Variants in YAF2 observed in about 807,000 individuals in gnomAD.
YAF2 encodes YY1-associated factor 2.
Under a neutral mutation model 20.1 loss-of-function variants are expected in YAF2, and 7 were observed. That is an observed-to-expected ratio of 0.35 (90% CI 0.20 to 0.65). The LOEUF is 0.65. YAF2 is among the 30% of genes least tolerant of loss of function. The pLI is 0.69. For synonymous variants in YAF2, 74 were observed against 76.0 expected (o/e 0.97, Z 0.14); for missense variants, 151 against 219.2 (o/e 0.69, Z 1.96).
intron 2 of YAF2, among the ~76,000 whole-genome samples, chr12:42,227,568 GC>G (rs2067765478): frequency 6.7e-6 from 1 of 148,772 alleles, no homozygotes; most frequent in Non-Finnish European, 1.5e-5. Flanking sequence ...CTGCCCGGCC[GC>G]CCTGTCTGAG....
intron 2 of YAF2, among the ~76,000 whole-genome samples, chr12:42,224,367 G>C (rs183813840): frequency 2.0e-4 from 30 of 151,752 alleles, no homozygotes; most frequent in Admixed American, 1.7e-3. Flanking sequence ...TTTAGGTGAA[G>C]AATACAATAT....
At chr12:42,213,560 T>C (rs182375342) in intron 2 of YAF2, among the ~76,000 whole-genome samples, 38 of 152,326 alleles carry the variant, frequency 2.5e-4, no homozygotes, top group Admixed American at 1.0e-3. Context: ...TCAAGCCAAC[T>C]TGAGTGGCTC....
chr12:42,176,708 T>C (rs1466907201), intron 2 of YAF2, among the ~76,000 whole-genome samples: 2 of 152,100 alleles, frequency 1.3e-5, no homozygotes, highest in South Asian at 2.1e-4. Context: ...ACATCTGTAA[T>C]CTCAGCACTT....
chr12:42,188,548 C>T (rs948847714), intron 2 of YAF2, among the ~76,000 whole-genome samples: 7 of 151,690 alleles, frequency 4.6e-5, no homozygotes, highest in African/African-American at 1.7e-4. Flanking sequence ...ACCATGCCCA[C>T]TAATTTTTAT....
chr12:42,235,523 CT>C lies in YAF2; in HGVS notation c.152+2075del, dbSNP rs543139957. 5.8e-5 allele frequency: 76 copies of C among 1,315,900 alleles called. 1 individual carries two copies. In the South Asian group the frequency reaches 1.1e-3, roughly 19 times the overall value. The allele number at this position is 1,315,900 out of a possible 1,614,324, so 81.5% of individuals were successfully genotyped here. ...AACAGATAACAGAGAAATTAGAGCT[CT>C]TAGGTTTAACTTAGAGCCAAAATCA... On this transcript the variant is annotated intron_variant, in intron 2 of 3. Transcript: ENST00000534854.
chr12:42,171,965 A>G (rs1253022480), intron 2 of YAF2, among the ~76,000 whole-genome samples: 1 of 152,230 alleles, frequency 6.6e-6, no homozygotes, highest in East Asian at 1.9e-4. Context: ...CCCTGTCTCA[A>G]ACAAAAAAAG....
At chr12:42,167,257 G>T (rs1212863692) in intron 2 of YAF2, among the ~76,000 whole-genome samples, 1 of 152,028 alleles carries the variant, frequency 6.6e-6, no homozygotes, top group Non-Finnish European at 1.5e-5. Flanking sequence ...GTCTATCTAT[G>T]TAACAAACCT....
At chr12:42,206,704 C>CA (rs931777807) in intron 2 of YAF2, among the ~76,000 whole-genome samples, 2,903 of 147,646 alleles carry the variant, frequency 0.02, 88 homozygotes, top group African/African-American at 0.068. Flanking sequence ...TCTTTAATGA[C>CA]AAAAAAAAAA....
intron 2 of YAF2, among the ~76,000 whole-genome samples, chr12:42,189,150 T>C (rs2066549164): frequency 6.6e-6 from 1 of 152,128 alleles, no homozygotes; most frequent in Non-Finnish European, 1.5e-5. Context: ...ATGAGCAAAG[T>C]CACCATCTCA....
At chr12:42,219,822 T>C (rs973577729) in intron 2 of YAF2, among the ~76,000 whole-genome samples, 3 of 152,208 alleles carry the variant, frequency 2.0e-5, no homozygotes, top group Non-Finnish European at 4.4e-5. Flanking sequence ...AAGTCCTCAA[T>C]GAGGCCTGAG....
Position 42,220,831 on chromosome 12 carries a change from C to A in YAF2, c.152+16768G>T, listed in dbSNP as rs1298076265. Among the ~76,000 whole-genome samples the A allele has an allele frequency of 3.3e-5, 5 of 152,262 alleles. No homozygotes were observed. In the East Asian group the frequency reaches 9.7e-4, roughly 29 times the overall value. On this transcript the variant is annotated intron_variant, in intron 2 of 3. Transcript: ENST00000534854. ...CAAACTTTACACCATACACACACAT[C>A]CAGTCATTCACACATTCACATATTA...
At chr12:42,236,002 A>C in intron 2 of YAF2, 1 of 1,536,132 alleles carries the variant, frequency 6.5e-7, no homozygotes. Flanking sequence ...CTGTCCCTGC[A>C]AATAAACATA....
In YAF2 at chr12:42,217,650, A is replaced by G. The variant is rs2067395391; in HGVS notation, c.152+19949T>C. Among the ~76,000 whole-genome samples, 5 of 152,172 alleles carry G rather than the reference A, an allele frequency of 3.3e-5. No homozygotes were observed. The South Asian group carries it at 1.0e-3, about 31-fold the overall frequency. On this transcript the variant is annotated intron_variant, in intron 2 of 3. Coordinates refer to ENST00000534854, the MANE Select transcript of YAF2 (RefSeq NM_005748.6). ...TGAATTCATTTTATCACTTATATTT[A>G]ATTACCACCAAAAAAATCACATGAA...
intron 2 of YAF2, among the ~76,000 whole-genome samples, chr12:42,214,236 T>G (rs192428795): frequency 7.1e-4 from 108 of 152,354 alleles, no homozygotes; most frequent in Non-Finnish European, 1.2e-3. Flanking sequence ...CAAAGGGCTT[T>G]CAACTTGCCG....
At chr12:42,171,509 T>TA (rs10708373) in intron 2 of YAF2, among the ~76,000 whole-genome samples, 10 of 148,158 alleles carry the variant, frequency 6.7e-5, no homozygotes, top group South Asian at 2.1e-4. Context: ...CTCTTTAAAT[T>TA]AAAAAAAAAA....
intron 2 of YAF2, among the ~76,000 whole-genome samples, chr12:42,200,958 C>T (rs952937538): frequency 6.6e-6 from 1 of 152,142 alleles, no homozygotes; most frequent in African/African-American, 2.4e-5. Context: ...GTACCTCTTT[C>T]TGACTTTTCA....
rs368919573 is a variant in YAF2, at chr12:42,228,186, G to A, written c.152+9413C>T. On this transcript the variant is annotated intron_variant, in intron 2 of 3. Coordinates refer to ENST00000534854, the MANE Select transcript of YAF2 (RefSeq NM_005748.6). ...CCCCGCCCGGCCAGCCGCCCCGTCC[G>A]GGAGGGAGGTGGGGGGGTCGGCCCC... Among the ~76,000 whole-genome samples, 230 of 35,766 alleles carry A rather than the reference G, an allele frequency of 6.4e-3. 3 individuals carry two copies. In the East Asian group the frequency reaches 0.11, roughly 17 times the overall value. 23.5% of individuals were successfully genotyped at this position (35,766 alleles called of 152,430 possible).
chr12:42,180,566 T>A (rs1269250286), intron 2 of YAF2, among the ~76,000 whole-genome samples: 1 of 152,206 alleles, frequency 6.6e-6, no homozygotes, highest in Non-Finnish European at 1.5e-5. Context: ...TAGAAATCTG[T>A]GAGATATAAA....
intron 2 of YAF2, among the ~76,000 whole-genome samples, chr12:42,224,460 A>C (rs1294672341): frequency 6.6e-6 from 1 of 152,070 alleles, no homozygotes; most frequent in African/African-American, 2.4e-5. Context: ...CACGTGCCAT[A>C]GTGGTTTGCT....
Sources: allele counts gnomAD v4.1 joint callset (sites outside exome capture counted in the v4.1 genomes callset), GRCh38; gene constraint gnomAD v4.1.1; transcripts MANE v1.5; gene names NCBI Gene and HGNC (gene_info 2026-07-23, HGNC 2026-07-21).